Variants in NFKBIL1 observed in about 807,000 individuals in gnomAD.
The protein encoded by NFKBIL1 is NF-kappa-B inhibitor-like protein 1.
Under a neutral mutation model 45.4 loss-of-function variants are expected in NFKBIL1, and 30 were observed. That is an observed-to-expected ratio of 0.66 (90% confidence interval 0.49 to 0.90). The LOEUF (loss-of-function observed/expected upper bound fraction) is 0.90. NFKBIL1 is among the 40% of genes least tolerant of loss of function. The probability of loss-of-function intolerance (pLI) is 0.00; values close to 1 mark genes in which losing one functional copy is unlikely to be tolerated. For synonymous variants in NFKBIL1, 179 were observed against 197.3 expected, an observed-to-expected ratio of 0.91 and a Z score of 0.78; for missense variants, 434 against 513.4, an observed-to-expected ratio of 0.85 and a Z score of 1.49.
chr6:31,549,085 G>C (rs1347655551), intron 2 of NFKBIL1, among the ~76,000 whole-genome samples: 1 of 152,094 alleles, frequency 6.6e-6, no homozygotes, highest in African/African-American at 2.4e-5. Context: ...ATTGTCCTGT[G>C]TTATACATTA....
At chr6:31,556,378 TA>T (rs1289492631) in intron 2 of NFKBIL1, among the ~76,000 whole-genome samples, 1 of 152,070 alleles carries the variant, frequency 6.6e-6, no homozygotes, top group Non-Finnish European at 1.5e-5. Context: ...CACTACCAAA[TA>T]AAGATTTAAG....
rs764048263 is a variant in NFKBIL1, at chr6:31,547,647, C to G, written c.-48C>G. The G allele has an allele frequency of 6.9e-7, 1 of 1,438,928 alleles. No individual in the cohort carries two copies. The highest frequency in any genetic ancestry group is 9.7e-7 in the Non-Finnish European group (1 of 1,034,394). 89.1% of individuals were successfully genotyped at this position (1,438,928 alleles called of 1,614,324 possible). On this transcript the variant is annotated 5_prime_UTR_variant, in exon 1 of 4. Transcript: ENST00000376148. Reference sequence around the variant, plus strand: ...GTCTCCGAGCTTCTTAAACACAGGCCTTGGGCCTACGGCTCTGGGGGTACT... The same window carrying G: ...GTCTCCGAGCTTCTTAAACACAGGCGTTGGGCCTACGGCTCTGGGGGTACT...
At chr6:31,556,648 C>G in intron 2 of NFKBIL1, 1 of 456,808 alleles carries the variant, frequency 2.2e-6, no homozygotes, top group Non-Finnish European at 4.4e-6. Context: ...TTCTCTCAGC[C>G]CATGGGTGAG....
At position 31,557,581 on chromosome 6, in the gene NFKBIL1, G is replaced by T. The variant is rs200084531; in HGVS notation, c.335-47G>T. On this transcript the variant is annotated intron_variant, in intron 2 of 3. Coordinates refer to ENST00000376148, the MANE Select transcript of NFKBIL1 (RefSeq NM_005007.4). This position sits in a 1 kb window ranked among gnomAD's most constrained non-coding sequence, Gnocchi z 5.4. ...GATTCAAGATGGCAGCTCTGCCGAG[G>T]AGTGGGAGTCCCAGCTAACTTCTGC... is the stretch of plus-strand genomic sequence containing the variant. The T allele has an allele frequency of 1.4e-6, 2 of 1,423,316 alleles. No homozygotes were observed. The highest frequency in any genetic ancestry group is 1.9e-6 in the Non-Finnish European group (2 of 1,063,844). The allele number at this position is 1,423,316 out of a possible 1,614,324, so 88.2% of individuals were successfully genotyped here.
At position 31,556,856 on chromosome 6, in the gene NFKBIL1, A is replaced by G. The variant is rs943384745; in HGVS notation, c.335-772A>G. On this transcript the variant is annotated intron_variant, in intron 2 of 3. Coordinates refer to ENST00000376148, the MANE Select transcript of NFKBIL1 (RefSeq NM_005007.4). ...GTTTATTGATAAGTGATAATAAAAG[A>G]TAAGTATTACATATTTGTGTATTTA... 4.6e-6 allele frequency: 2 copies of G among 434,942 alleles called. 1 individual carries two copies. The highest frequency in any genetic ancestry group is 3.2e-5 in the South Asian group (2 of 62,964). The allele number at this position is 434,942 out of a possible 1,614,324, so 26.9% of individuals were successfully genotyped here. A position where few individuals can be genotyped will look rare whatever the true frequency, so the allele number is the denominator to read the frequency against.
rs1769237727 is a variant in NFKBIL1, at chr6:31,548,424, C to G, written c.319C>G (p.Arg107Gly). Residue 107 changes from arginine (R) to glycine (G), a missense_variant, in exon 2 of 4, where the codon CGC becomes GGC. Physicochemically the swap from Arg to Gly is moderately radical, Grantham distance 125. This residue lies in a region of NFKBIL1 where 231 missense variants were observed against 264.1 expected (regional missense o/e 0.87). Coordinates refer to ENST00000376148, the MANE Select transcript of NFKBIL1 (RefSeq NM_005007.4). Reference protein sequence around the residue: ...HGDTALHAAARQGPDAYTDFF... With the variant: ...HGDTALHAAAGQGPDAYTDFF... The stretch of plus-strand genomic sequence containing the variant: ...GGACACGGCACTGCATGCTGCTGCC[C>G]GCCAGGGCCCAGATGGTGAGTCTGC... The G allele has an allele frequency of 6.6e-7, 1 of 1,507,844 alleles. No individual in the cohort carries two copies. The highest frequency in any genetic ancestry group is 2.3e-5 in the East Asian group (1 of 43,620). The allele number at this position is 1,507,844 out of a possible 1,614,324, so 93.4% of individuals were successfully genotyped here.
chr6:31,555,338 A>G (rs1203566568), intron 2 of NFKBIL1, among the ~76,000 whole-genome samples: 3 of 150,496 alleles, frequency 2.0e-5, no homozygotes, highest in Non-Finnish European at 4.4e-5. Context: ...TCCAGGTTCA[A>G]GTGATTCTCC....
intron 2 of NFKBIL1, among the ~76,000 whole-genome samples, chr6:31,554,891 C>T (rs1428993784): frequency 1.3e-5 from 2 of 152,058 alleles, no homozygotes; most frequent in Non-Finnish European, 2.9e-5. Context: ...ATTATAAAGT[C>T]GTCAAAAAGT....
rs189738831 is a variant in NFKBIL1, at chr6:31,550,025, C to A, written c.334+1586C>A. 3.9e-3 allele frequency among the ~76,000 whole-genome samples: 594 copies of A among 152,132 alleles called. 4 individuals are homozygous for A. The highest frequency in any genetic ancestry group is 0.013 in the African/African-American group (526 of 41,502). ...GACCAGCCTGACCAACATAGTGAAA[C>A]CCCCATCTGTACTAAAAATACAAAA... On this transcript the variant is annotated intron_variant, in intron 2 of 3. Transcript: ENST00000376148.
chr6:31,555,533 C>T (rs1226801393), intron 2 of NFKBIL1, among the ~76,000 whole-genome samples: 1 of 150,886 alleles, frequency 6.6e-6, no homozygotes, highest in African/African-American at 2.4e-5. Context: ...GCCACCACGC[C>T]CGGCCTCTTT....
chr6:31,557,629 C>T lies in NFKBIL1; in HGVS notation c.336C>T (p.Ala112=). 6.6e-7 allele frequency: 1 copy of T among 1,525,380 alleles called. No homozygotes were observed. The highest frequency in any genetic ancestry group is 8.8e-7 in the Non-Finnish European group (1 of 1,132,134). 94.5% of individuals were successfully genotyped at this position (1,525,380 alleles called of 1,614,324 possible). ...TGCTCCCTGCTCTCCCACCAACAGCCTACACCGATTTCTTCCTCCCGCTGC... is the reference window on the plus strand; with the variant it reads ...TGCTCCCTGCTCTCCCACCAACAGCTTACACCGATTTCTTCCTCCCGCTGC... ...LHAAARQGPD[A]YTDFFLPLLS... is the part of the protein sequence containing the mutation. Residue 112 remains alanine, a splice_region_variant and synonymous_variant, in exon 3 of 4, where the codon GCC becomes GCT. Transcript: ENST00000376148. This position sits in a 1 kb window ranked among gnomAD's most constrained non-coding sequence, Gnocchi z 5.4.
upstream of NFKBIL1, chr6:31,547,563 T>G (rs2071592): frequency 1.8e-6 from 1 of 559,232 alleles, no homozygotes; most frequent in Non-Finnish European, 3.1e-6. Flanking sequence ...GTCCTCCACC[T>G]GCGTCTCTGC....
Position 31,557,257 on chromosome 6 carries a change from G to A in NFKBIL1, c.335-371G>A, listed in dbSNP as rs1345632214. Among the ~76,000 whole-genome samples the A allele has an allele frequency of 6.6e-6, 1 of 152,008 alleles. No individual in the cohort carries two copies. Among genetic ancestry groups the A allele is most frequent in the East Asian group, 1.9e-4 (1 of 5,182 alleles). On this transcript the variant is annotated intron_variant, in intron 2 of 3. Transcript: ENST00000376148. This position sits in a 1 kb window ranked among gnomAD's most constrained non-coding sequence, Gnocchi z 5.4. ...CGAGTAGCTGGGACTGCAGGCGCCCGCCACCAGGCCTGGCTAATTTTTTGT... is the reference window on the plus strand; with the variant it reads ...CGAGTAGCTGGGACTGCAGGCGCCCACCACCAGGCCTGGCTAATTTTTTGT...
chr6:31,548,129 G>A (rs201434627), intron 1 of NFKBIL1, 34 bp from the exon 2 acceptor site: 10 of 1,612,912 alleles, frequency 6.2e-6, no homozygotes, highest in Non-Finnish European at 4.2e-6. Flanking sequence ...AGCCAAGGCT[G>A]AAGTCCTGAC....
In NFKBIL1 at chr6:31,557,328, T is replaced by G. The variant is rs2857604; in HGVS notation, c.335-300T>G. Among the ~76,000 whole-genome samples, 29,496 of 152,114 alleles carry G rather than the reference T, an allele frequency of 0.19. 3,086 individuals are homozygous for G. The highest frequency in any genetic ancestry group is 0.28 in the Admixed American group (4,338 of 15,286). ...TTTCACCATGTTAGCCAGGATGGTC[T>G]TGATCTCCTGACCTCGTGATCCGCC... On this transcript the variant is annotated intron_variant, in intron 2 of 3. Transcript: ENST00000376148. This position sits in a 1 kb window ranked among gnomAD's most constrained non-coding sequence, Gnocchi z 5.4.
chr6:31,555,987 C>G (rs1348492372), intron 2 of NFKBIL1, among the ~76,000 whole-genome samples: 1 of 151,580 alleles, frequency 6.6e-6, no homozygotes, highest in Non-Finnish European at 1.5e-5. Flanking sequence ...AGTTTTGTAG[C>G]CAGCTTTTTT....
chr6:31,555,814 A>T (rs561523080), intron 2 of NFKBIL1, among the ~76,000 whole-genome samples: 11 of 147,702 alleles, frequency 7.4e-5, no homozygotes, highest in Non-Finnish European at 1.5e-4. Context: ...AATTATATAT[A>T]TATTTTGTTT....
At chr6:31,547,605 C>A, upstream of NFKBIL1, 2 of 863,748 alleles carry the variant, frequency 2.3e-6, no homozygotes, top group Non-Finnish European at 3.6e-6. Context: ...GGAGTGTCTC[C>A]GCCCTTCCCG....
At chr6:31,554,491 C>T (rs1166124558) in intron 2 of NFKBIL1, among the ~76,000 whole-genome samples, 2 of 151,790 alleles carry the variant, frequency 1.3e-5, no homozygotes, top group Non-Finnish European at 2.9e-5. Flanking sequence ...GTATATAGAA[C>T]CCTCATATCA....
Sources: gnomAD v4.1 joint callset for allele counts (sites outside exome capture counted in the v4.1 genomes callset) on GRCh38, gnomAD v4.1.1 for gene constraint, gnomAD v4.1.1 regional missense constraint, Gnocchi (gnomAD v3.1) non-coding constraint, MANE v1.5 for transcripts, NCBI Gene and HGNC (gene_info 2026-07-23, HGNC 2026-07-21) for gene names.